Variants in RPE observed in about 807,000 individuals in gnomAD.
RPE encodes ribulose-phosphate 3-epimerase.
RPE carries 16 observed loss-of-function variants against 24.6 expected under a neutral mutation model. The observed-to-expected ratio is 0.65, with a 90% CI of 0.44 to 0.99. The LOEUF (loss-of-function observed/expected upper bound fraction) is 0.99, where lower values mean the gene tolerates loss of function less well. RPE is among the 50% of genes least tolerant of loss of function. The pLI, the probability that RPE is intolerant of heterozygous loss-of-function variation, is 0.00. For missense variants in RPE, 240 were observed against 294.5 expected (o/e 0.81, Z 1.35); for synonymous variants, 93 against 98.4 (o/e 0.94, Z 0.33).
In RPE at chr2:210,002,679, G is replaced by C; in HGVS notation, c.18G>C (p.Lys6Asn). Reference sequence around the variant, plus strand: ...CCAGCGGTATGGCGTCGGGCTGCAAGATTGGCCCGTCCATCCTCAACAGCG... The same window carrying C: ...CCAGCGGTATGGCGTCGGGCTGCAACATTGGCCCGTCCATCCTCAACAGCG... MASGC[K>N]IGPSILNSDL... is the part of the protein sequence containing the mutation. The change falls in exon 1 of 6, where the codon AAG becomes AAC. Residue 6 changes from lysine to asparagine, a missense_variant. Lys to Asn is a moderately conservative substitution (Grantham distance 94). Transcript: ENST00000359429. 6.2e-7 allele frequency: 1 copy of C among 1,613,952 alleles called. No homozygotes were observed. Among genetic ancestry groups the C allele is most frequent in the Non-Finnish European group, 8.5e-7 (1 of 1,179,842 alleles).
chr2:210,009,854 G>A lies in RPE; in HGVS notation c.202+118G>A, dbSNP rs976298199. 63 of 1,358,970 alleles carry A rather than the reference G, an allele frequency of 4.6e-5. 1 individual carries two copies. The highest frequency in any genetic ancestry group is 6.5e-5 in the Non-Finnish European group (62 of 957,102). 84.2% of individuals were successfully genotyped at this position (1,358,970 alleles called of 1,614,324 possible). A position where few individuals can be genotyped will look rare whatever the true frequency, so the allele number is the denominator to read the frequency against. On this transcript the variant is annotated intron_variant, in intron 2 of 5. Coordinates refer to ENST00000359429, the MANE Select transcript of RPE (RefSeq NM_199229.3). ...CCTTTCCCCAACTTTCCTATCCTGG[G>A]TCTTCATTGGCCTGACTCCAGTAAC...
At chr2:210,018,154 C>T in intron 5 of RPE, 1 of 1,531,024 alleles carries the variant, frequency 6.5e-7, no homozygotes, top group Non-Finnish European at 8.7e-7. Flanking sequence ...GAATTTCAGC[C>T]CTTTGGAAGA....
intron 3 of RPE, 138 bp from the exon 4 acceptor site, chr2:210,016,369 G>C (rs1211498891): frequency 6.4e-7 from 1 of 1,561,760 alleles, no homozygotes. Flanking sequence ...GCTACTGCTT[G>C]TTGAAAATAC....
At chr2:210,012,902 A>G (rs1318098048) in intron 2 of RPE, among the ~76,000 whole-genome samples, 2 of 152,236 alleles carry the variant, frequency 1.3e-5, no homozygotes, top group Non-Finnish European at 2.9e-5. Context: ...TATTTGTAAG[A>G]TGTGTGTAAC....
intron 1 of RPE, 125 bp downstream of exon 1, chr2:210,002,908 A>G: frequency 1.9e-6 from 3 of 1,565,310 alleles, no homozygotes; most frequent in Non-Finnish European, 2.6e-6. Flanking sequence ...ACGCGATGCT[A>G]GAAGGGGTGT....
intron 1 of RPE, among the ~76,000 whole-genome samples, chr2:210,007,584 T>G (rs1279443284): frequency 6.6e-6 from 1 of 152,222 alleles, no homozygotes; most frequent in Non-Finnish European, 1.5e-5. Context: ...TCAATACCAC[T>G]CTCCACGTCT....
chr2:210,013,312 C>CTT (rs376550426), intron 2 of RPE, among the ~76,000 whole-genome samples: 73 of 137,062 alleles, frequency 5.3e-4, no homozygotes, highest in South Asian at 9.4e-4. Flanking sequence ...TAGAGTTATC[C>CTT]TTTTTTTTTT....
intron 1 of RPE, among the ~76,000 whole-genome samples, chr2:210,004,267 G>A (rs538944973): frequency 2.0e-5 from 3 of 152,246 alleles, no homozygotes; most frequent in South Asian, 2.1e-4. Flanking sequence ...TAATTGTTTC[G>A]GTTCACCAGT....
chr2:210,006,935 G>A (rs575046816), intron 1 of RPE, among the ~76,000 whole-genome samples: 7 of 152,168 alleles, frequency 4.6e-5, no homozygotes, highest in Non-Finnish European at 8.8e-5. Flanking sequence ...GATGTGTCCT[G>A]AATCCTTACC....
At chr2:210,015,745 T>C (rs910537499) in intron 2 of RPE, among the ~76,000 whole-genome samples, 1 of 152,240 alleles carries the variant, frequency 6.6e-6, no homozygotes, top group Non-Finnish European at 1.5e-5. Context: ...TATACAGCAC[T>C]GTATGCTTTT....
chr2:210,017,423 A>T, intron 4 of RPE, 50 bp from the exon 5 acceptor site: 2 of 454,884 alleles, frequency 4.4e-6, no homozygotes, highest in South Asian at 2.2e-5. Context: ...CCCCACCCCC[A>T]CCAACATACC....
At chr2:210,012,654 A>G (rs115606926) in intron 2 of RPE, among the ~76,000 whole-genome samples, 2,633 of 152,334 alleles carry the variant, frequency 0.017, 84 homozygotes, top group African/African-American at 0.06. Context: ...CAGATCAACT[A>G]TGGTTTTTCA....
chr2:210,020,236 A>G lies in RPE; in HGVS notation c.*445A>G, dbSNP rs2093839450. On this transcript the variant is annotated 3_prime_UTR_variant, in exon 6 of 6. Transcript: ENST00000359429. The stretch of plus-strand genomic sequence containing the variant: ...TATTTCATGTTATTGTGATTTGTTT[A>G]TAAGTTTGGGTGGGGTGCATACCAT... 1.8e-5 allele frequency: 3 copies of G among 168,454 alleles called. No homozygotes were observed. Among genetic ancestry groups the G allele is most frequent in the Non-Finnish European group, 4.3e-5 (3 of 69,196 alleles). The allele number at this position is 168,454 out of a possible 1,614,324, so 10.4% of individuals were successfully genotyped here.
At chr2:210,014,726 A>AG (rs564087126) in intron 2 of RPE, among the ~76,000 whole-genome samples, 264 of 123,730 alleles carry the variant, frequency 2.1e-3, no homozygotes, top group African/African-American at 6.1e-3. Flanking sequence ...TCTTTTTCTG[A>AG]CTTTTTTTTT....
At chr2:210,019,615 T>C in intron 5 of RPE, 54 bp from the exon 6 acceptor site, 1 of 1,589,996 alleles carries the variant, frequency 6.3e-7, no homozygotes, top group South Asian at 1.1e-5. Flanking sequence ...AATTCTGTTT[T>C]AGGTTTTTCT....
At position 210,002,689 on chromosome 2, in the gene RPE, TC is replaced by T. The variant is rs1302301603; in HGVS notation, c.30del (p.Ile11SerfsTer9). The T allele has an allele frequency of 2.5e-6, 4 of 1,613,864 alleles. No homozygotes were observed. The highest frequency in any genetic ancestry group is 3.3e-5 in the Admixed American group (2 of 59,984). On this transcript the variant is annotated frameshift_variant, in exon 1 of 6. Transcript: ENST00000359429. LOFTEE classifies it high-confidence loss of function. Reference protein sequence around the residue: MASGCKIGPSILNSDLANLG... With the variant: MASGCKIGPXILNSDLANLG... ...GGCGTCGGGCTGCAAGATTGGCCCG[TC>T]CATCCTCAACAGCGACCTGGCCAAT...
Position 210,019,754 on chromosome 2 carries a change from G to T in RPE, c.650G>T (p.Cys217Phe), listed in dbSNP as rs147608388. 6.2e-7 allele frequency: 1 copy of T among 1,613,202 alleles called. No individual in the cohort carries two copies. Among genetic ancestry groups the T allele is most frequent in the Non-Finnish European group, 8.5e-7 (1 of 1,179,414 alleles). ...GTGATCAATCTATTAAGAAATGTTT[G>T]CTCAGAAGCTGCTCAGAAACGTTCT... The part of the protein sequence containing the change: ...RSVINLLRNV[C>F]SEAAQKRSLD... The change falls in exon 6 of 6, where the codon TGC becomes TTC. Residue 217 changes from cysteine (C) to phenylalanine (F), a missense_variant. By Grantham distance (205) the Cys-to-Phe change is radical. Transcript: ENST00000359429.
At chr2:210,009,327 C>T (rs1482317721) in intron 1 of RPE, among the ~76,000 whole-genome samples, 1 of 152,176 alleles carries the variant, frequency 6.6e-6, no homozygotes, top group South Asian at 2.1e-4. Context: ...GAGTCCAGAA[C>T]TTACTAACTA....
intron 1 of RPE, among the ~76,000 whole-genome samples, chr2:210,009,173 C>G (rs780573057): frequency 3.9e-5 from 6 of 152,136 alleles, no homozygotes; most frequent in Non-Finnish European, 8.8e-5. Context: ...GAAAGGTGGT[C>G]GTTACTAATA....
Sources: gnomAD v4.1 joint callset for allele counts (sites outside exome capture counted in the v4.1 genomes callset) on GRCh38, gnomAD v4.1.1 for gene constraint, MANE v1.5 for transcripts, NCBI Gene and HGNC (gene_info 2026-07-23, HGNC 2026-07-21) for gene names.